MTMR8: variants seen among roughly 807,000 people sequenced by gnomAD.
MTMR8 encodes myotubularin related protein 8.
In MTMR8, 65 loss-of-function variants were observed where a neutral mutation model predicts 39.3. That is an observed-to-expected ratio of 1.65 (90% CI 1.35 to 2.03). The LOEUF is 2.03. Ranked by LOEUF, MTMR8 falls within the 30% of genes most tolerant of loss-of-function variation. The pLI, the probability that MTMR8 is intolerant of heterozygous loss-of-function variation, is 0.00. For synonymous variants in MTMR8, 245 were observed against 185.2 expected, an observed-to-expected ratio of 1.32 and a Z score of -2.62; for missense variants, 777 against 538.9, an observed-to-expected ratio of 1.44 and a Z score of -4.37.
chrX:64,362,584 T>C (rs1923822521), intron 1 of MTMR8, among the ~76,000 whole-genome samples: 1 of 101,177 alleles, frequency 9.9e-6, no homozygotes, highest in Non-Finnish European at 2.0e-5. Flanking sequence ...AGCATAAACA[T>C]GGCACTACAA....
rs759253974 is a variant in MTMR8 at position 64,268,827 on chromosome X, G to T, written c.1825C>A (p.His609Asn). The stretch of plus-strand genomic sequence containing the variant: ...CCCACAATCTCACAACAGTTATGGT[G>T]GAGGTCTGCACCCTGGCTTTTTACT... Reference protein sequence around the residue: ...DQVKSQGADLHHNCCEIVGSL... With the variant: ...DQVKSQGADLNHNCCEIVGSL... The change falls in exon 14 of 14, where the codon CAC (histidine) becomes AAC (asparagine). Residue 609 changes from histidine to asparagine, a missense_variant. His to Asn is a moderately conservative substitution (Grantham distance 68, BLOSUM62 1). Coordinates refer to ENST00000374852, the MANE Select transcript of MTMR8 (RefSeq NM_017677.4). The T allele has an allele frequency of 1.8e-5, 22 of 1,209,742 alleles. No homozygotes were observed. The South Asian group carries it at 3.9e-4, about 21-fold the overall frequency.
intron 1 of MTMR8, among the ~76,000 whole-genome samples, chrX:64,375,695 A>G (rs1463675908): frequency 8.9e-6 from 1 of 111,789 alleles, no homozygotes; most frequent in African/African-American, 3.3e-5. Flanking sequence ...CAAAAAGACC[A>G]CTGTCTATGA....
intron 12 of MTMR8, among the ~76,000 whole-genome samples, chrX:64,319,814 A>G (rs192451518): frequency 0.011 from 1,199 of 110,698 alleles, 25 homozygotes; most frequent in African/African-American, 0.036. Flanking sequence ...TAGCCTTGTA[A>G]TATAGTTTGA....
chrX:64,349,854 C>G, intron 5 of MTMR8, 88 bp downstream of exon 5: 4 of 830,533 alleles, frequency 4.8e-6, no homozygotes, highest in Non-Finnish European at 6.4e-6. Flanking sequence ...TGCCTGAGGT[C>G]ACACAGCTAC....
intron 4 of MTMR8, among the ~76,000 whole-genome samples, chrX:64,351,901 G>A (rs993612015): frequency 9.0e-6 from 1 of 110,899 alleles, no homozygotes; most frequent in Non-Finnish European, 1.9e-5. Context: ...GGGTGGGTCT[G>A]CCTCTCCCAG....
At chrX:64,389,486 G>A (rs925652390) in intron 1 of MTMR8, among the ~76,000 whole-genome samples, 9 of 112,255 alleles carry the variant, frequency 8.0e-5, no homozygotes, top group African/African-American at 2.9e-4. Context: ...GGTTTCCCAA[G>A]TACAAAATGA....
chrX:64,348,573 T>C (rs1923404217), intron 6 of MTMR8, 87 bp downstream of exon 6: 1 of 1,093,566 alleles, frequency 9.1e-7, no homozygotes, highest in Admixed American at 2.3e-5. Flanking sequence ...CAAACCTAAC[T>C]TTCCCAATAA....
chrX:64,395,252 G>A (rs1924790161), intron 1 of MTMR8, 88 bp downstream of exon 1: 1 of 1,000,733 alleles, frequency 1.0e-6, no homozygotes, highest in Non-Finnish European at 1.4e-6. Flanking sequence ...AAAGAAGGCT[G>A]AGAAGGCTGA....
chrX:64,390,642 C>G (rs1426637336), intron 1 of MTMR8, among the ~76,000 whole-genome samples: 1 of 111,088 alleles, frequency 9.0e-6, no homozygotes, highest in Non-Finnish European at 1.9e-5. Flanking sequence ...CTATAATTTA[C>G]ATACCATAAA....
intron 11 of MTMR8, 95 bp from the exon 12 acceptor site, chrX:64,328,995 A>C: frequency 1.0e-5 from 9 of 858,879 alleles, no homozygotes; most frequent in Non-Finnish European, 1.4e-5. Context: ...TTTTACTAAT[A>C]AGTAACCCAG....
In MTMR8 at chrX:64,345,063, G is replaced by A; in HGVS notation, c.847C>T (p.Leu283=). 1 of 1,211,002 alleles carries A rather than the reference G, an allele frequency of 8.3e-7. No homozygotes were observed. Among genetic ancestry groups the A allele is most frequent in the Non-Finnish European group, 1.1e-6 (1 of 895,055 alleles). The stretch of plus-strand genomic sequence containing the variant: ...CCTGTACCTTCCAAGAGTTTCTGCA[G>A]ACTGCTCCGCATTACATGGATGTTC... ...IENIHVMRSS[L]QKLLEVCELK... is the part of the protein sequence containing the mutation. Residue 283 remains leucine, a synonymous_variant, in exon 7 of 14, where the codon CTG becomes TTG. Transcript: ENST00000374852.
intron 3 of MTMR8, among the ~76,000 whole-genome samples, chrX:64,355,744 C>G (rs1163862430): frequency 9.0e-6 from 1 of 110,927 alleles, no homozygotes; most frequent in African/African-American, 3.3e-5. Flanking sequence ...CTTTGATGAA[C>G]TGCCTTAGTC....
chrX:64,297,807 C>A (rs984763222), intron 12 of MTMR8, among the ~76,000 whole-genome samples: 2 of 111,238 alleles, frequency 1.8e-5, no homozygotes, highest in African/African-American at 6.5e-5. Context: ...TATGACTAGA[C>A]AGTTTCCCCA....
At chrX:64,322,721 AC>A (rs1394712171) in intron 12 of MTMR8, among the ~76,000 whole-genome samples, 10 of 112,140 alleles carry the variant, frequency 8.9e-5, no homozygotes, top group African/African-American at 3.2e-4. Context: ...CACTGCCATT[AC>A]ACCACCTTAG....
intron 1 of MTMR8, among the ~76,000 whole-genome samples, chrX:64,372,411 A>T (rs181046634): frequency 1.2e-3 from 130 of 111,284 alleles, no homozygotes; most frequent in African/African-American, 4.0e-3. Context: ...GCTTTGTGTA[A>T]CTATCAGCAC....
At chrX:64,316,998 G>A (rs1311925677) in intron 12 of MTMR8, among the ~76,000 whole-genome samples, 2 of 108,424 alleles carry the variant, frequency 1.8e-5, no homozygotes, top group Non-Finnish European at 3.8e-5. Flanking sequence ...TGTAGTCCCA[G>A]CTACTCGGGA....
Position 64,366,172 on chromosome X carries a change from C to A in MTMR8, c.25-6645G>T, listed in dbSNP as rs1479118092. On this transcript the variant is annotated intron_variant, in intron 1 of 13. Transcript: ENST00000374852. ...AATAATGATGGGAGACTTTAACACCCTACTGTCACTATCAGACAGATCAAC... is the reference window on the plus strand; with the variant it reads ...AATAATGATGGGAGACTTTAACACCATACTGTCACTATCAGACAGATCAAC... Among the ~76,000 whole-genome samples the A allele has an allele frequency of 2.7e-5, 3 of 111,427 alleles. No homozygotes were observed. The South Asian group carries it at 1.2e-3, about 43-fold the overall frequency.
intron 12 of MTMR8, among the ~76,000 whole-genome samples, chrX:64,296,312 G>A (rs753656077): frequency 9.0e-6 from 1 of 111,343 alleles, no homozygotes; most frequent in Non-Finnish European, 1.9e-5. Flanking sequence ...GGGGCTGCTG[G>A]GAGGGGAAAA....
At chrX:64,390,617 A>C (rs957632555) in intron 1 of MTMR8, among the ~76,000 whole-genome samples, 5 of 111,808 alleles carry the variant, frequency 4.5e-5, no homozygotes, top group Non-Finnish European at 7.5e-5. Flanking sequence ...CTTCGTTATT[A>C]GCAGCTTTAT....
Sources: allele counts gnomAD v4.1 joint callset (sites outside exome capture counted in the v4.1 genomes callset), GRCh38; gene constraint gnomAD v4.1.1; transcripts MANE v1.5; gene names NCBI Gene and HGNC (gene_info 2026-07-23, HGNC 2026-07-21).